Variants in ZNF385D observed in about 807,000 individuals in gnomAD.
ZNF385D encodes zinc finger protein 659.
ZNF385D carries 15 observed loss-of-function variants against 35.8 expected under a neutral mutation model. The observed-to-expected ratio is 0.42, with a 90% CI of 0.28 to 0.64. ZNF385D has a LOEUF of 0.64. ZNF385D is among the 30% of genes least tolerant of loss of function. The pLI is 0.23. For synonymous variants in ZNF385D, 212 were observed against 186.8 expected, an observed-to-expected ratio of 1.13 and a Z score of -1.10; for missense variants, 474 against 494.6, an observed-to-expected ratio of 0.96 and a Z score of 0.39.
intron 2 of ZNF385D, among the ~76,000 whole-genome samples, chr3:22,307,449 T>C (rs932215108): frequency 6.6e-6 from 1 of 152,124 alleles, no homozygotes; most frequent in Non-Finnish European, 1.5e-5. Context: ...TAAAGTTATA[T>C]CCACATGGAA....
intron 4 of ZNF385D, among the ~76,000 whole-genome samples, chr3:21,502,753 TCTG>T (rs1234133027): frequency 6.6e-6 from 1 of 152,188 alleles, no homozygotes; most frequent in Non-Finnish European, 1.5e-5. Flanking sequence ...ACCAGCACAC[TCTG>T]CTAGCACTTA....
chr3:21,805,753 A>T (rs1341730852), intron 3 of ZNF385D, among the ~76,000 whole-genome samples: 2 of 152,182 alleles, frequency 1.3e-5, no homozygotes, highest in African/African-American at 4.8e-5. Flanking sequence ...TCTCCTGTCC[A>T]TCAAGTAGAG....
At chr3:21,498,723 C>T (rs1347474264) in intron 4 of ZNF385D, among the ~76,000 whole-genome samples, 1 of 152,024 alleles carries the variant, frequency 6.6e-6, no homozygotes, top group Admixed American at 6.6e-5. Flanking sequence ...GCAGGTGGAT[C>T]ACAAGGTCAA....
At chr3:21,635,557 TTGTTTTG>T (rs2065404201) in intron 2 of ZNF385D, among the ~76,000 whole-genome samples, 1 of 91,504 alleles carries the variant, frequency 1.1e-5, no homozygotes, top group African/African-American at 3.5e-5. Context: ...TGTTGTTTGT[TTGTTTTG>T]TTGTTGTTGT....
intron 5 of ZNF385D, among the ~76,000 whole-genome samples, chr3:21,429,933 TG>T (rs751681916): frequency 3.3e-5 from 5 of 152,106 alleles, no homozygotes; most frequent in Non-Finnish European, 7.4e-5. Flanking sequence ...TGTTTTTTTT[TG>T]CTAAGGTGTT....
intron 3 of ZNF385D, among the ~76,000 whole-genome samples, chr3:22,099,674 C>G (rs765363598): frequency 9.2e-5 from 14 of 151,902 alleles, no homozygotes; most frequent in Admixed American, 5.3e-4. Flanking sequence ...GGTAGTCATC[C>G]TGGACTTGCA....
At chr3:21,654,236 T>C (rs764495741) in intron 2 of ZNF385D, among the ~76,000 whole-genome samples, 13 of 152,096 alleles carry the variant, frequency 8.5e-5, no homozygotes, top group Admixed American at 2.0e-4. Context: ...TTTAGAGTAT[T>C]CAGGGAAAGA....
intron 1 of ZNF385D, among the ~76,000 whole-genome samples, chr3:21,717,187 A>G (rs976917077): frequency 6.6e-6 from 1 of 152,172 alleles, no homozygotes; most frequent in Non-Finnish European, 1.5e-5. Flanking sequence ...AAATGTATAA[A>G]TGGTTACTTC....
intron 3 of ZNF385D, among the ~76,000 whole-genome samples, chr3:21,852,820 A>T (rs1650176294): frequency 6.6e-6 from 1 of 151,904 alleles, no homozygotes; most frequent in Non-Finnish European, 1.5e-5. Context: ...AGGATATTGA[A>T]AAAGAGTGAG....
chr3:22,330,989 T>A (rs927440509), intron 2 of ZNF385D, among the ~76,000 whole-genome samples: 3 of 152,322 alleles, frequency 2.0e-5, no homozygotes, highest in Admixed American at 2.0e-4. Context: ...TACACATGAA[T>A]TTTAACTCTT....
At chr3:21,808,338 T>C (rs76102504) in intron 3 of ZNF385D, among the ~76,000 whole-genome samples, 5 of 152,300 alleles carry the variant, frequency 3.3e-5, no homozygotes, top group Non-Finnish European at 5.9e-5. Flanking sequence ...CCTTCTTGAA[T>C]TTACCTTCCC....
chr3:21,982,271 C>T (rs1407196235), intron 3 of ZNF385D, among the ~76,000 whole-genome samples: 2 of 151,808 alleles, frequency 1.3e-5, no homozygotes, highest in African/African-American at 4.8e-5. Context: ...TTGTAATTCC[C>T]ATGGTAGAGA....
At chr3:21,700,082 G>C (rs539536725) in intron 1 of ZNF385D, among the ~76,000 whole-genome samples, 6 of 151,988 alleles carry the variant, frequency 3.9e-5, no homozygotes, top group Non-Finnish European at 7.4e-5. Context: ...TCAAACTCCT[G>C]ACCTCAGCCT....
intron 3 of ZNF385D, among the ~76,000 whole-genome samples, chr3:21,872,271 T>A (rs975086880): frequency 2.0e-5 from 3 of 152,128 alleles, no homozygotes; most frequent in Non-Finnish European, 2.9e-5. Flanking sequence ...GTAAGGTTTG[T>A]TTCCATTTGA....
intron 2 of ZNF385D, among the ~76,000 whole-genome samples, chr3:21,603,541 AT>A (rs1227363168): frequency 6.6e-6 from 1 of 152,242 alleles, no homozygotes; most frequent in Non-Finnish European, 1.5e-5. Context: ...TTGTAAAAAA[AT>A]AATGAGCTAG....
At chr3:21,940,990 A>G (rs1289296197) in intron 3 of ZNF385D, among the ~76,000 whole-genome samples, 1 of 152,220 alleles carries the variant, frequency 6.6e-6, no homozygotes, top group Non-Finnish European at 1.5e-5. Flanking sequence ...ATTAAATCTA[A>G]AGTGTTTGAA....
intron 2 of ZNF385D, among the ~76,000 whole-genome samples, chr3:22,344,983 A>G (rs899269637): frequency 2.6e-5 from 4 of 152,192 alleles, no homozygotes; most frequent in African/African-American, 7.2e-5. Flanking sequence ...CATGCTTCCT[A>G]TATGATTCAG....
intron 3 of ZNF385D, among the ~76,000 whole-genome samples, chr3:22,031,872 C>T (rs1249069483): frequency 6.6e-6 from 1 of 152,158 alleles, no homozygotes; most frequent in African/African-American, 2.4e-5. Context: ...TCTTTGTGAA[C>T]ACATATAAAT....
chr3:21,505,147 C>T (rs992016251), intron 4 of ZNF385D, among the ~76,000 whole-genome samples: 15 of 151,972 alleles, frequency 9.9e-5, no homozygotes, highest in Admixed American at 2.0e-4. Flanking sequence ...TCAAAATAAA[C>T]GATGATGGTC....
Sources: allele counts gnomAD v4.1 joint callset (sites outside exome capture counted in the v4.1 genomes callset), GRCh38; gene constraint gnomAD v4.1.1; transcripts MANE v1.5; gene names NCBI Gene and HGNC (gene_info 2026-07-23, HGNC 2026-07-21).